The following ATP2B4 variants were observed in gnomAD, a reference collection of about 807,000 sequenced individuals.
ATP2B4 encodes the protein ATPase plasma membrane Ca2+ transporting 4, also known as plasma membrane calcium-transporting ATPase 4.
In ATP2B4, 39 loss-of-function variants were observed where a neutral mutation model predicts 110.3. The observed-to-expected ratio is 0.35, with a 90% CI of 0.27 to 0.46. The LOEUF (loss-of-function observed/expected upper bound fraction) is 0.46, where lower values mean the gene tolerates loss of function less well. Ranked by LOEUF, ATP2B4 falls within the 20% of genes least tolerant of loss-of-function variation. ATP2B4 has a pLI of 1.00. For missense variants in ATP2B4, 1,135 were observed against 1,530.9 expected, an observed-to-expected ratio of 0.74 and a Z score of 4.32; for synonymous variants, 538 against 571.7, an observed-to-expected ratio of 0.94 and a Z score of 0.84.
At chr1:203,716,794 A>G (rs971621631) in intron 15 of ATP2B4, among the ~76,000 whole-genome samples, 3 of 145,360 alleles carry the variant, frequency 2.1e-5, no homozygotes, top group African/African-American at 5.0e-5. Context: ...TATATTTCCT[A>G]TAAGCAAGTA....
At chr1:203,656,272 ACTAATT>A (rs1166203161) in intron 1 of ATP2B4, among the ~76,000 whole-genome samples, 3 of 152,168 alleles carry the variant, frequency 2.0e-5, no homozygotes, top group Non-Finnish European at 4.4e-5. Context: ...AGCTGCTTAA[ACTAATT>A]CTTAATACCA....
At chr1:203,655,053 G>A (rs1170200558) in intron 1 of ATP2B4, among the ~76,000 whole-genome samples, 6 of 152,168 alleles carry the variant, frequency 3.9e-5, no homozygotes, top group African/African-American at 1.4e-4. Flanking sequence ...GGTGGAAATA[G>A]CAAGAGAACT....
At chr1:203,702,239 G>A (rs1665716499) in intron 7 of ATP2B4, among the ~76,000 whole-genome samples, 160 bp downstream of exon 7, 1 of 152,084 alleles carries the variant, frequency 6.6e-6, no homozygotes, top group Non-Finnish European at 1.5e-5. Context: ...TTTTTGGGGT[G>A]GTCTCAAGGT....
At chr1:203,715,122 T>C (rs1209062848) in intron 15 of ATP2B4, among the ~76,000 whole-genome samples, 7 of 151,950 alleles carry the variant, frequency 4.6e-5, no homozygotes, top group Admixed American at 4.6e-4. Flanking sequence ...TCCTTAAAAA[T>C]TTCATGGCCG....
In ATP2B4 at chr1:203,629,967, G is replaced by A. The variant is rs554550485; in HGVS notation, c.-465+2748G>A. 6.6e-6 allele frequency among the ~76,000 whole-genome samples: 1 copy of A among 152,296 alleles called. No homozygotes were observed. The highest frequency in any genetic ancestry group is 1.9e-4 in the East Asian group (1 of 5,172). ...CAGCGAGTTCCTAACCCGCCGTCTG[G>A]CCTCCAGTTTCCCCTCTGCACAATG... On this transcript the variant is annotated intron_variant, in intron 1 of 20. Coordinates refer to ENST00000357681, the MANE Select transcript of ATP2B4 (RefSeq NM_001684.5). This position sits in a 1 kb window ranked among gnomAD's most constrained non-coding sequence, Gnocchi z 4.6.
chr1:203,713,050 T>C (rs1435557877), intron 13 of ATP2B4, 115 bp from the exon 14 acceptor site: 4 of 1,058,804 alleles, frequency 3.8e-6, no homozygotes, highest in South Asian at 2.8e-5. Flanking sequence ...AACACTTTCA[T>C]GTGGGACTGT....
At chr1:203,727,968 A>G (rs1054821282) in intron 20 of ATP2B4, among the ~76,000 whole-genome samples, 3 of 152,202 alleles carry the variant, frequency 2.0e-5, no homozygotes, top group Non-Finnish European at 4.4e-5. Context: ...CAATATGCCA[A>G]CATACCCAGC....
At chr1:203,732,872 A>G (rs112388455) in intron 20 of ATP2B4, among the ~76,000 whole-genome samples, 2,007 of 151,830 alleles carry the variant, frequency 0.013, 47 homozygotes, top group African/African-American at 0.04. Flanking sequence ...AGCTGTTAGG[A>G]GTGATGGAGT....
chr1:203,674,161 C>G (rs1664758319), intron 1 of ATP2B4, among the ~76,000 whole-genome samples: 1 of 152,158 alleles, frequency 6.6e-6, no homozygotes, highest in South Asian at 2.1e-4. Context: ...CGTTGCTAAC[C>G]CTTATCCTGA....
Position 203,683,186 on chromosome 1 carries a change from G to C in ATP2B4, c.-20G>C. 6.2e-7 allele frequency: 1 copy of C among 1,609,526 alleles called. No homozygotes were observed. The highest frequency in any genetic ancestry group is 8.5e-7 in the Non-Finnish European group (1 of 1,177,232). On this transcript the variant is annotated 5_prime_UTR_variant, in exon 2 of 21. Transcript: ENST00000357681. ...ACGCTACATCTTCTCTGGTTGAGGG[G>C]CTTGGTAACAGCAGGCAAAATGACG...
intron 1 of ATP2B4, among the ~76,000 whole-genome samples, chr1:203,667,091 A>G (rs966078928): frequency 6.6e-6 from 1 of 152,200 alleles, no homozygotes; most frequent in Admixed American, 6.5e-5. Context: ...AGCTGGGACT[A>G]TAGGTGCGCA....
intron 7 of ATP2B4, among the ~76,000 whole-genome samples, chr1:203,702,762 T>A (rs1365201565): frequency 6.6e-6 from 1 of 152,192 alleles, no homozygotes; most frequent in African/African-American, 2.4e-5. Flanking sequence ...GCAGTGAAAG[T>A]GGAGTGGTGC....
At chr1:203,686,573 C>T (rs1665185357) in intron 2 of ATP2B4, among the ~76,000 whole-genome samples, 2 of 151,380 alleles carry the variant, frequency 1.3e-5, no homozygotes, top group African/African-American at 4.8e-5. Context: ...TCGTTACAGC[C>T]CCTGGCCATG....
chr1:203,673,589 G>A (rs1664738773), intron 1 of ATP2B4, among the ~76,000 whole-genome samples: 1 of 152,238 alleles, frequency 6.6e-6, no homozygotes, highest in Admixed American at 6.5e-5. Context: ...AGCGGGGATG[G>A]GAGGTTCTCT....
intron 2 of ATP2B4, among the ~76,000 whole-genome samples, chr1:203,690,276 C>G (rs1665326578): frequency 6.6e-6 from 1 of 152,150 alleles, no homozygotes; most frequent in Admixed American, 6.5e-5. Context: ...TTGGGCTCTT[C>G]CTCGGTGTAG....
At chr1:203,708,256 A>T (rs970630634) in intron 10 of ATP2B4, 152 bp downstream of exon 10, 4 of 1,230,092 alleles carry the variant, frequency 3.3e-6, no homozygotes, top group Non-Finnish European at 4.6e-6. Context: ...GGGTGAGACT[A>T]CAGAAAAATC....
chr1:203,733,180 C>T, intron 20 of ATP2B4: 1 of 1,567,970 alleles, frequency 6.4e-7, no homozygotes, highest in African/African-American at 1.4e-5. Flanking sequence ...CTCTCTCGGA[C>T]TGACTGTGGA....
chr1:203,704,630 A>G (rs1665797574), intron 8 of ATP2B4, among the ~76,000 whole-genome samples: 1 of 151,608 alleles, frequency 6.6e-6, no homozygotes, highest in Non-Finnish European at 1.5e-5. Flanking sequence ...ACAGGTGCAC[A>G]CCACCAAGCC....
At chr1:203,646,047 G>C (rs75678885) in intron 1 of ATP2B4, among the ~76,000 whole-genome samples, 6,707 of 138,522 alleles carry the variant, frequency 0.048, 268 homozygotes, top group East Asian at 0.19. Flanking sequence ...TAGCCAGGTG[G>C]TTATTTTTTA....
Sources: allele counts gnomAD v4.1 joint callset (sites outside exome capture counted in the v4.1 genomes callset), GRCh38; gene constraint gnomAD v4.1.1; non-coding constraint Gnocchi (gnomAD v3.1); transcripts MANE v1.5; gene names NCBI Gene and HGNC (gene_info 2026-07-23, HGNC 2026-07-21).